The following CSMD1 variants were observed in gnomAD, a reference collection of about 807,000 sequenced individuals.
The protein encoded by CSMD1 is CUB and Sushi multiple domains 1, also known as CUB and sushi domain-containing protein 1.
Under a neutral mutation model 417.5 loss-of-function variants are expected in CSMD1, and 213 were observed. The ratio of observed to expected loss-of-function variants is 0.51; its 90% confidence interval spans 0.46 to 0.57. CSMD1 has a LOEUF of 0.57. Ranked by LOEUF, CSMD1 falls within the 20% of genes least tolerant of loss-of-function variation. The pLI is 0.00. For missense variants in CSMD1, 6,923 were observed against 4,529.7 expected (o/e 1.53, Z -15.17); for synonymous variants, 2,862 against 1,736.8 (o/e 1.65, Z -16.11).
intron 5 of CSMD1, among the ~76,000 whole-genome samples, chr8:3,911,005 C>T (rs1270904935): frequency 6.6e-6 from 1 of 152,160 alleles, no homozygotes; most frequent in Admixed American, 6.5e-5. Context: ...TGGCCAAGTC[C>T]TACTTATTCA....
At chr8:3,603,695 T>C (rs966183003) in intron 8 of CSMD1, among the ~76,000 whole-genome samples, 1 of 152,244 alleles carries the variant, frequency 6.6e-6, no homozygotes, top group African/African-American at 2.4e-5. Context: ...CCCTCTTGTA[T>C]TCATTATAGT....
chr8:4,837,956 A>G (rs993608137), intron 1 of CSMD1, among the ~76,000 whole-genome samples: 15 of 152,166 alleles, frequency 9.9e-5, no homozygotes, highest in Non-Finnish European at 7.3e-5. Context: ...AGCAATGCTC[A>G]CTGAGGCATT....
At chr8:4,968,094 T>C (rs1318784439) in intron 1 of CSMD1, among the ~76,000 whole-genome samples, 1 of 152,120 alleles carries the variant, frequency 6.6e-6, no homozygotes, top group Non-Finnish European at 1.5e-5. Context: ...TGTTTCATGA[T>C]GGATTTCCAT....
intron 7 of CSMD1, among the ~76,000 whole-genome samples, chr8:3,642,059 T>A (rs765077150): frequency 1.7e-4 from 26 of 151,964 alleles, no homozygotes; most frequent in Non-Finnish European, 3.7e-4. Flanking sequence ...AACTTCTACT[T>A]CGATGGATAC....
chr8:3,629,809 A>G (rs1387104773), intron 7 of CSMD1, among the ~76,000 whole-genome samples: 2 of 152,200 alleles, frequency 1.3e-5, no homozygotes, highest in Non-Finnish European at 2.9e-5. Flanking sequence ...AGGCTAAAAG[A>G]CATAACTTCG....
intron 3 of CSMD1, among the ~76,000 whole-genome samples, chr8:4,039,107 G>C (rs1481579357): frequency 6.6e-6 from 1 of 152,144 alleles, no homozygotes; most frequent in African/African-American, 2.4e-5. Flanking sequence ...TCGAAAGGAA[G>C]TTTAAAATTC....
At chr8:4,242,737 T>C (rs1802476309) in intron 3 of CSMD1, among the ~76,000 whole-genome samples, 1 of 152,166 alleles carries the variant, frequency 6.6e-6, no homozygotes, top group South Asian at 2.1e-4. Context: ...GTGGCTCTCC[T>C]GCAGGGCACA....
chr8:4,740,022 C>A (rs1437283782), intron 1 of CSMD1, among the ~76,000 whole-genome samples: 1 of 152,100 alleles, frequency 6.6e-6, no homozygotes, highest in Non-Finnish European at 1.5e-5. Context: ...TGAGCTTCAG[C>A]ATCCTGGCAG....
At chr8:3,512,285 G>C (rs1403614699) in intron 10 of CSMD1, among the ~76,000 whole-genome samples, 2 of 152,212 alleles carry the variant, frequency 1.3e-5, no homozygotes, top group African/African-American at 2.4e-5. Flanking sequence ...AAGCATTCTT[G>C]AAGATGCAGT....
At chr8:2,952,240 C>T (rs1802686232) in intron 65 of CSMD1, among the ~76,000 whole-genome samples, 1 of 152,164 alleles carries the variant, frequency 6.6e-6, no homozygotes, top group Non-Finnish European at 1.5e-5. Context: ...AAACACATTG[C>T]TTGAGTTGCT....
At chr8:4,813,267 T>A (rs190838554) in intron 1 of CSMD1, among the ~76,000 whole-genome samples, 94 of 152,184 alleles carry the variant, frequency 6.2e-4, no homozygotes, top group Non-Finnish European at 1.2e-3. Context: ...GTAGTAATGA[T>A]CTTTCTGTTA....
chr8:4,844,812 G>C (rs1053599909), intron 1 of CSMD1, among the ~76,000 whole-genome samples: 3 of 151,934 alleles, frequency 2.0e-5, no homozygotes, highest in Non-Finnish European at 4.4e-5. Context: ...TCTCATTCAC[G>C]GGACAATCCA....
At chr8:3,927,713 C>T (rs529726878) in intron 5 of CSMD1, among the ~76,000 whole-genome samples, 3 of 152,150 alleles carry the variant, frequency 2.0e-5, no homozygotes, top group Non-Finnish European at 4.4e-5. Context: ...ATTTTCTTTA[C>T]CTTTGTTAAG....
At chr8:3,960,332 C>T (rs1051657298) in intron 5 of CSMD1, among the ~76,000 whole-genome samples, 15 of 152,182 alleles carry the variant, frequency 9.9e-5, no homozygotes, top group African/African-American at 3.4e-4. Flanking sequence ...TTAAACTTTC[C>T]AAATGTAATT....
chr8:4,467,416 G>A (rs975343032), intron 2 of CSMD1, among the ~76,000 whole-genome samples: 23 of 151,574 alleles, frequency 1.5e-4, no homozygotes, highest in Non-Finnish European at 2.2e-4. Context: ...CTCTTTTTCC[G>A]TCTTAGACTA....
intron 3 of CSMD1, among the ~76,000 whole-genome samples, chr8:4,388,613 G>C (rs1045986886): frequency 1.3e-5 from 2 of 152,094 alleles, no homozygotes; most frequent in African/African-American, 4.8e-5. Context: ...TACTGCTCAG[G>C]TGGTGGGTGC....
chr8:4,377,128 C>T (rs937754768), intron 3 of CSMD1, among the ~76,000 whole-genome samples: 1 of 152,144 alleles, frequency 6.6e-6, no homozygotes, highest in African/African-American at 2.4e-5. Context: ...GCCATTTCTC[C>T]TTTATTTTTC....
At chr8:3,974,287 C>G (rs998968834) in intron 5 of CSMD1, among the ~76,000 whole-genome samples, 2 of 151,566 alleles carry the variant, frequency 1.3e-5, no homozygotes, top group African/African-American at 2.4e-5. Context: ...AATTATAAAT[C>G]TAGTATTCTT....
chr8:4,801,197 G>C (rs1408250357), intron 1 of CSMD1, among the ~76,000 whole-genome samples: 1 of 152,112 alleles, frequency 6.6e-6, no homozygotes, highest in South Asian at 2.1e-4. Flanking sequence ...TCCTACTTCT[G>C]GTCATTTCTT....
Sources: gnomAD v4.1 joint callset for allele counts (sites outside exome capture counted in the v4.1 genomes callset) on GRCh38, gnomAD v4.1.1 for gene constraint, MANE v1.5 for transcripts, NCBI Gene and HGNC (gene_info 2026-07-23, HGNC 2026-07-21) for gene names.